Variants in MBD5 observed in about 807,000 individuals in gnomAD.
MBD5 encodes methyl-CpG binding domain protein 5, also known as methyl-CpG-binding domain protein 5.
Under a neutral mutation model 117.3 loss-of-function variants are expected in MBD5, and 13 were observed. The observed-to-expected ratio is 0.11, with a 90% CI of 0.07 to 0.18. The LOEUF (loss-of-function observed/expected upper bound fraction) is 0.18, where lower values mean the gene tolerates loss of function less well. Among genes scored for constraint, MBD5 ranks in the 10% least tolerant of loss-of-function variants. MBD5 has a pLI of 1.00. For synonymous variants in MBD5, 727 were observed against 766.4 expected (o/e 0.95, Z 0.85); for missense variants, 1,879 against 2,093.8 (o/e 0.90, Z 2.00).
intron 1 of MBD5, among the ~76,000 whole-genome samples, chr2:148,172,277 AG>A (rs1193597230): frequency 1.4e-4 from 21 of 152,216 alleles, no homozygotes; most frequent in Admixed American, 1.4e-3. Flanking sequence ...CTGCCCCTGC[AG>A]GCTCCAAGAC....
chr2:148,286,093 G>A (rs1701363116), intron 3 of MBD5, among the ~76,000 whole-genome samples: 1 of 152,082 alleles, frequency 6.6e-6, no homozygotes, highest in Non-Finnish European at 1.5e-5. Context: ...TACAGTTATT[G>A]TGACTAAAGT....
intron 4 of MBD5, among the ~76,000 whole-genome samples, chr2:148,342,537 A>T (rs1209871091): frequency 6.6e-6 from 1 of 152,026 alleles, no homozygotes; most frequent in Non-Finnish European, 1.5e-5. Context: ...TTTTTTAAAA[A>T]AAAGAATGTA....
chr2:148,465,059 A>T (rs1261283068), intron 7 of MBD5, among the ~76,000 whole-genome samples: 1 of 152,096 alleles, frequency 6.6e-6, no homozygotes, highest in East Asian at 1.9e-4. Flanking sequence ...ATATCTTTAT[A>T]TCAATTAAGT....
chr2:148,323,851 A>T (rs2106586606), intron 3 of MBD5, among the ~76,000 whole-genome samples: 1 of 152,140 alleles, frequency 6.6e-6, no homozygotes, highest in East Asian at 1.9e-4. Flanking sequence ...GTTTAATTAG[A>T]TCCCATTTGT....
At chr2:148,339,084 G>A (rs983704048) in intron 3 of MBD5, among the ~76,000 whole-genome samples, 6 of 152,084 alleles carry the variant, frequency 3.9e-5, no homozygotes, top group Non-Finnish European at 8.8e-5. Context: ...GTGTGAAGGA[G>A]GACAGATGCC....
intron 3 of MBD5, among the ~76,000 whole-genome samples, chr2:148,234,668 G>A (rs946618977): frequency 2.6e-5 from 4 of 152,126 alleles, no homozygotes; most frequent in Non-Finnish European, 5.9e-5. Flanking sequence ...TTTCTGAACT[G>A]CTGATAATGT....
chr2:148,065,495 TTAACAG>T (rs1695163831), intron 1 of MBD5, among the ~76,000 whole-genome samples: 1 of 152,104 alleles, frequency 6.6e-6, no homozygotes, highest in South Asian at 2.1e-4. Flanking sequence ...ACTATTTCCT[TTAACAG>T]TAACAGCTCA....
chr2:148,401,126 A>G (rs909467362), intron 4 of MBD5, among the ~76,000 whole-genome samples: 1 of 152,204 alleles, frequency 6.6e-6, no homozygotes, highest in African/African-American at 2.4e-5. Context: ...AACTATGTCT[A>G]GAGCATTTTT....
At chr2:148,102,721 CACACACACAGAGAGAGAGAGAG>C (rs1696256564) in intron 1 of MBD5, among the ~76,000 whole-genome samples, 1 of 90,880 alleles carries the variant, frequency 1.1e-5, no homozygotes, top group East Asian at 3.8e-4. Context: ...CACACACACA[CACACACACAGAGAGAGAGAGAG>C]AGAGAGAGAG....
intron 1 of MBD5, chr2:148,071,276 ATGTGTGTGTGTGTGTGTGTGTGTG>A (rs35621899): frequency 9.1e-6 from 1 of 109,628 alleles, no homozygotes; most frequent in African/African-American, 3.1e-5. Context: ...ATATCTGTAT[ATGTGTGTGTGTGTGTGTGTGTGTG>A]TGTGTGTGTG....
At chr2:148,126,707 C>A (rs1696904990) in intron 1 of MBD5, among the ~76,000 whole-genome samples, 1 of 151,988 alleles carries the variant, frequency 6.6e-6, no homozygotes, top group South Asian at 2.1e-4. Flanking sequence ...GACAGTAATG[C>A]CATCTTTTCC....
At chr2:148,059,138 T>A (rs1439193252) in intron 1 of MBD5, among the ~76,000 whole-genome samples, 1 of 152,216 alleles carries the variant, frequency 6.6e-6, no homozygotes, top group Admixed American at 6.5e-5. Context: ...GTATAAATTG[T>A]TTATTGTGAT....
intron 4 of MBD5, among the ~76,000 whole-genome samples, chr2:148,454,805 G>A (rs1393969291): frequency 6.6e-6 from 1 of 151,944 alleles, no homozygotes; most frequent in Non-Finnish European, 1.5e-5. Context: ...TTTAATGTAA[G>A]CTTTTAAAAC....
chr2:148,495,316 CTT>C (rs1198076494), intron 11 of MBD5, among the ~76,000 whole-genome samples: 2 of 151,998 alleles, frequency 1.3e-5, no homozygotes, highest in Admixed American at 6.5e-5. Flanking sequence ...AGAAAATGCT[CTT>C]GTTTTCTAAA....
chr2:148,243,158 T>A (rs1700255667), intron 3 of MBD5, among the ~76,000 whole-genome samples: 1 of 152,140 alleles, frequency 6.6e-6, no homozygotes, highest in Admixed American at 6.6e-5. Flanking sequence ...CAGTAACATC[T>A]GAGATTAAAA....
intron 4 of MBD5, among the ~76,000 whole-genome samples, chr2:148,438,437 C>A (rs1706218662): frequency 6.6e-6 from 1 of 152,118 alleles, no homozygotes; most frequent in African/African-American, 2.4e-5. Context: ...TTGTATCTGT[C>A]ATTATTAAGT....
intron 4 of MBD5, among the ~76,000 whole-genome samples, chr2:148,424,174 T>C (rs374088542): frequency 6.1e-5 from 2 of 33,030 alleles, no homozygotes; most frequent in Admixed American, 4.7e-4. Flanking sequence ...CAAGACTCTG[T>C]CTCAAAAAAA....
chr2:148,356,527 T>C (rs1703384805), intron 4 of MBD5, among the ~76,000 whole-genome samples: 1 of 152,188 alleles, frequency 6.6e-6, no homozygotes, highest in African/African-American at 2.4e-5. Context: ...CATTACTGTA[T>C]TCCTAGTAGC....
intron 1 of MBD5, among the ~76,000 whole-genome samples, chr2:148,117,469 A>T (rs1179147868): frequency 6.6e-6 from 1 of 152,214 alleles, no homozygotes; most frequent in East Asian, 1.9e-4. Flanking sequence ...ATAATTTCCC[A>T]CATCTCATTT....
Sources: gnomAD v4.1 joint callset for allele counts (sites outside exome capture counted in the v4.1 genomes callset) on GRCh38, gnomAD v4.1.1 for gene constraint, MANE v1.5 for transcripts, NCBI Gene and HGNC (gene_info 2026-07-23, HGNC 2026-07-21) for gene names.